Variants in RARB observed in about 807,000 individuals in gnomAD.
RARB encodes HBV-activated protein.
A neutral mutation model predicts 51.9 loss-of-function variants in RARB; 17 were observed. The ratio of observed to expected loss-of-function variants is 0.33; its 90% CI spans 0.22 to 0.49. The LOEUF (loss-of-function observed/expected upper bound fraction) is 0.49. RARB is among the 20% of genes least tolerant of loss of function. The pLI, the probability that RARB is intolerant of heterozygous loss-of-function variation, is 0.99. For synonymous variants in RARB, 215 were observed against 195.4 expected (o/e 1.10, Z -0.84); for missense variants, 369 against 550.8 (o/e 0.67, Z 3.30).
chr3:25,596,246 A>G (rs745399000), intron 7 of RARB, among the ~76,000 whole-genome samples, 174 bp from the exon 8 acceptor site: 1 of 152,174 alleles, frequency 6.6e-6, no homozygotes, highest in Admixed American at 6.5e-5. Flanking sequence ...TATGAGTGTG[A>G]TAGTAATCGA....
intron 5 of RARB, among the ~76,000 whole-genome samples, chr3:25,238,323 A>G (rs889632095): frequency 9.9e-5 from 15 of 152,194 alleles, no homozygotes; most frequent in African/African-American, 3.1e-4. Flanking sequence ...GTTGTTAAAA[A>G]TGACATGATT....
At chr3:25,353,962 T>C (rs115426428) in intron 5 of RARB, among the ~76,000 whole-genome samples, 2,749 of 152,192 alleles carry the variant, frequency 0.018, 82 homozygotes, top group African/African-American at 0.059. Context: ...TATATGTTCA[T>C]GCATTTTTCT....
chr3:24,945,369 G>A (rs1695751421), intron 2 of RARB, among the ~76,000 whole-genome samples: 1 of 152,214 alleles, frequency 6.6e-6, no homozygotes, highest in Non-Finnish European at 1.5e-5. Context: ...CTGAAATGAA[G>A]CTAAGTCAGG....
chr3:24,913,701 C>A (rs1329259479), intron 2 of RARB, among the ~76,000 whole-genome samples: 1 of 152,016 alleles, frequency 6.6e-6, no homozygotes, highest in East Asian at 1.9e-4. Context: ...TGTTCAATAG[C>A]CAACAAAAAA....
intron 2 of RARB, among the ~76,000 whole-genome samples, chr3:25,014,183 A>G (rs1021983330): frequency 2.0e-5 from 3 of 151,972 alleles, no homozygotes; most frequent in African/African-American, 7.3e-5. Flanking sequence ...TCACTTTCGC[A>G]TGCCTTTTTG....
At chr3:25,302,338 A>G (rs992613108) in intron 5 of RARB, among the ~76,000 whole-genome samples, 1 of 152,246 alleles carries the variant, frequency 6.6e-6, no homozygotes, top group African/African-American at 2.4e-5. Context: ...TTCTTGCAGC[A>G]TTATTCATGA....
chr3:25,246,485 T>A (rs1457406221), intron 5 of RARB, among the ~76,000 whole-genome samples: 3 of 152,142 alleles, frequency 2.0e-5, no homozygotes, highest in South Asian at 4.1e-4. Flanking sequence ...TTGCTCTTGA[T>A]CTTCGGATGG....
intron 2 of RARB, among the ~76,000 whole-genome samples, chr3:24,953,658 A>G (rs1322793711): frequency 3.3e-5 from 5 of 152,240 alleles, no homozygotes; most frequent in Admixed American, 6.5e-5. Flanking sequence ...AAATGATCTC[A>G]TATGTCAGAA....
intron 5 of RARB, among the ~76,000 whole-genome samples, chr3:25,200,956 T>G (rs1701374864): frequency 6.6e-6 from 1 of 152,170 alleles, no homozygotes. Flanking sequence ...AAGTGTAAAG[T>G]AGTTTTTTCC....
At chr3:25,026,226 G>C (rs767523569) in intron 2 of RARB, among the ~76,000 whole-genome samples, 3 of 152,186 alleles carry the variant, frequency 2.0e-5, no homozygotes, top group Non-Finnish European at 4.4e-5. Flanking sequence ...CATGTGTAAG[G>C]AGATCCAATT....
At chr3:25,352,631 T>C (rs1705609688) in intron 5 of RARB, among the ~76,000 whole-genome samples, 4 of 152,236 alleles carry the variant, frequency 2.6e-5, no homozygotes, top group Admixed American at 2.6e-4. Context: ...GGTTAACTAA[T>C]TAGCTTATTG....
chr3:24,954,659 G>A (rs1575089432), intron 2 of RARB, among the ~76,000 whole-genome samples: 1 of 152,140 alleles, frequency 6.6e-6, no homozygotes, highest in African/African-American at 2.4e-5. Context: ...AGACAATAGA[G>A]AGGGAGAGAA....
chr3:25,296,981 G>A (rs547892051), intron 5 of RARB, among the ~76,000 whole-genome samples: 1 of 152,284 alleles, frequency 6.6e-6, no homozygotes, highest in South Asian at 2.1e-4. Context: ...GAGACTTTGA[G>A]TTTTGTGTAG....
At position 24,958,255 on chromosome 3, in the gene RARB, G is replaced by GTTTTGTTTTTT. The variant is rs1314564374; in HGVS notation, c.-380+99507_-380+99508insGTTTTTTTTTT. On this transcript the variant is annotated intron_variant, in intron 2 of 11. Transcript: ENST00000383772. ...ACCTGAAGCTTCCTGAGCTGCTCAGGTTTTTTTTTTTTTTTTTTTTTTTTT... is the reference window on the plus strand; with the variant it reads ...ACCTGAAGCTTCCTGAGCTGCTCAGGTTTTGTTTTTTTTTTTTTTTTTTTTTTTTTTTTTTT... Among the ~76,000 whole-genome samples the GTTTTGTTTTTT allele has an allele frequency of 6.0e-4, 42 of 69,456 alleles. 2 individuals carry two copies. The highest frequency in any genetic ancestry group is 1.0e-3 in the East Asian group (2 of 1,930). 45.6% of individuals were successfully genotyped at this position (69,456 alleles called of 152,430 possible).
Position 25,029,207 on chromosome 3 carries a change from C to T in RARB, c.-379-30918C>T, listed in dbSNP as rs576120692. On this transcript the variant is annotated intron_variant, in intron 2 of 11. Transcript: ENST00000383772. The stretch of plus-strand genomic sequence containing the variant: ...GGCATTTTCCAAAGTGGGAAACTGT[C>T]TTGGAAAAGACTTCACACTCAAACT... Among the ~76,000 whole-genome samples, 7 of 152,298 alleles carry T rather than the reference C, an allele frequency of 4.6e-5. No homozygotes were observed. In the South Asian group the frequency reaches 1.0e-3, roughly 23 times the overall value.
At chr3:25,282,980 C>T (rs1487935520) in intron 5 of RARB, among the ~76,000 whole-genome samples, 2 of 152,198 alleles carry the variant, frequency 1.3e-5, no homozygotes, top group Non-Finnish European at 2.9e-5. Flanking sequence ...AACTCTTTGT[C>T]ACTGGACATT....
chr3:25,585,202 G>A (rs879735093), intron 5 of RARB, among the ~76,000 whole-genome samples: 6 of 152,120 alleles, frequency 3.9e-5, no homozygotes, highest in East Asian at 1.9e-4. Flanking sequence ...GAAGTAGCAC[G>A]TAGAGCTTGG....
At chr3:25,327,896 T>A (rs1192488476) in intron 5 of RARB, among the ~76,000 whole-genome samples, 1 of 152,166 alleles carries the variant, frequency 6.6e-6, no homozygotes, top group Non-Finnish European at 1.5e-5. Flanking sequence ...TATAAGCAAG[T>A]TTAAAAAGAG....
At chr3:24,906,862 A>C (rs960950263) in intron 2 of RARB, among the ~76,000 whole-genome samples, 1 of 150,996 alleles carries the variant, frequency 6.6e-6, no homozygotes, top group African/African-American at 2.4e-5. Flanking sequence ...AAAAAAAAAA[A>C]AAAGCAAAAA....
Sources: gnomAD v4.1 joint callset for allele counts (sites outside exome capture counted in the v4.1 genomes callset) on GRCh38, gnomAD v4.1.1 for gene constraint, MANE v1.5 for transcripts, NCBI Gene and HGNC (gene_info 2026-07-23, HGNC 2026-07-21) for gene names.